Variants in EFNA5 observed in about 807,000 individuals in gnomAD.
EFNA5 encodes the protein ephrin A5.
A neutral mutation model predicts 22.9 loss-of-function variants in EFNA5; 5 were observed. That is an observed-to-expected ratio of 0.22 (90% CI 0.11 to 0.46). EFNA5 has a LOEUF of 0.46. Among genes scored for constraint, EFNA5 ranks in the 20% least tolerant of loss-of-function variants. The probability of loss-of-function intolerance (pLI) is 0.99; values close to 1 mark genes in which losing one functional copy is unlikely to be tolerated. For synonymous variants in EFNA5, 113 were observed against 112.2 expected (o/e 1.01, Z -0.04); for missense variants, 237 against 293.3 (o/e 0.81, Z 1.40).
chr5:107,452,054 A>G (rs1447285209), intron 1 of EFNA5, among the ~76,000 whole-genome samples: 1 of 152,208 alleles, frequency 6.6e-6, no homozygotes, highest in Non-Finnish European at 1.5e-5. Context: ...ATAAAAAGGA[A>G]TGAGATCGTG....
intron 2 of EFNA5, among the ~76,000 whole-genome samples, chr5:107,414,231 G>A (rs140068528): frequency 8.4e-4 from 128 of 152,240 alleles, no homozygotes; most frequent in African/African-American, 2.6e-3. Flanking sequence ...GACAGATCAC[G>A]AAATTTGGGA....
intron 1 of EFNA5, among the ~76,000 whole-genome samples, chr5:107,480,616 G>C (rs1187882074): frequency 2.6e-5 from 4 of 152,170 alleles, no homozygotes; most frequent in African/African-American, 9.7e-5. Context: ...CACCAATTAC[G>C]TGAATACCTG....
At chr5:107,403,195 C>G (rs905426520) in intron 2 of EFNA5, among the ~76,000 whole-genome samples, 1 of 152,168 alleles carries the variant, frequency 6.6e-6, no homozygotes, top group East Asian at 1.9e-4. Context: ...TTACTATACC[C>G]AAAAGAGTTA....
chr5:107,664,352 T>C (rs778400409), intron 1 of EFNA5, among the ~76,000 whole-genome samples: 5 of 152,116 alleles, frequency 3.3e-5, no homozygotes, highest in Non-Finnish European at 7.4e-5. Flanking sequence ...TGACTAAATT[T>C]TGAAAACATA....
At chr5:107,416,382 G>A (rs1748504675) in intron 2 of EFNA5, among the ~76,000 whole-genome samples, 1 of 152,002 alleles carries the variant, frequency 6.6e-6, no homozygotes, top group South Asian at 2.1e-4. Context: ...CTAGGCTTGG[G>A]GTCAAACTAC....
At chr5:107,508,111 G>T (rs1022496561) in intron 1 of EFNA5, among the ~76,000 whole-genome samples, 20 of 152,078 alleles carry the variant, frequency 1.3e-4, no homozygotes, top group African/African-American at 4.8e-4. Flanking sequence ...TTGGAACTTT[G>T]GCCAAATCAG....
Position 107,661,776 on chromosome 5 carries a change from T to C in EFNA5, c.125+8713A>G, listed in dbSNP as rs191648927. Among the ~76,000 whole-genome samples the C allele has an allele frequency of 1.4e-3, 212 of 152,314 alleles. 1 individual carries two copies. The highest frequency in any genetic ancestry group is 4.9e-3 in the African/African-American group (202 of 41,556). Reference sequence around the variant, plus strand: ...ATTGAGTTCAGTAAATGTAACAAAGTTGTATATCCCACTGACATCTACAAA... The same window carrying C: ...ATTGAGTTCAGTAAATGTAACAAAGCTGTATATCCCACTGACATCTACAAA... On this transcript the variant is annotated intron_variant, in intron 1 of 4. Coordinates refer to ENST00000333274, the MANE Select transcript of EFNA5 (RefSeq NM_001962.3).
intron 1 of EFNA5, among the ~76,000 whole-genome samples, chr5:107,657,073 G>A (rs929144312): frequency 6.6e-6 from 1 of 152,058 alleles, no homozygotes; most frequent in Admixed American, 6.6e-5. Flanking sequence ...ATTAGTATAT[G>A]GAAGAACTTG....
At chr5:107,527,848 C>T (rs1266429044) in intron 1 of EFNA5, among the ~76,000 whole-genome samples, 1 of 152,102 alleles carries the variant, frequency 6.6e-6, no homozygotes, top group Admixed American at 6.6e-5. Flanking sequence ...GAATGACTGA[C>T]AACAACCACG....
chr5:107,499,744 C>T (rs920190057), intron 1 of EFNA5, among the ~76,000 whole-genome samples: 3 of 152,156 alleles, frequency 2.0e-5, no homozygotes, highest in African/African-American at 7.2e-5. Context: ...AATTCTTCCC[C>T]TCCTTGAGTT....
At chr5:107,469,915 A>G (rs1750092499) in intron 1 of EFNA5, among the ~76,000 whole-genome samples, 1 of 152,194 alleles carries the variant, frequency 6.6e-6, no homozygotes, top group Non-Finnish European at 1.5e-5. Context: ...TCTTTCTAGC[A>G]ATGAAATATG....
chr5:107,526,677 T>C (rs186251874), intron 1 of EFNA5, among the ~76,000 whole-genome samples: 2,057 of 152,358 alleles, frequency 0.014, 29 homozygotes, highest in Non-Finnish European at 0.022. Context: ...GAAAGTACAT[T>C]ATTTTATTCT....
At chr5:107,661,299 G>A (rs1042619064) in intron 1 of EFNA5, among the ~76,000 whole-genome samples, 11 of 152,114 alleles carry the variant, frequency 7.2e-5, no homozygotes, top group Non-Finnish European at 1.5e-4. Flanking sequence ...GAAGCCATCC[G>A]GAAGCCACAA....
intron 1 of EFNA5, among the ~76,000 whole-genome samples, chr5:107,613,285 G>C (rs1749857823): frequency 6.6e-6 from 1 of 152,026 alleles, no homozygotes; most frequent in Non-Finnish European, 1.5e-5. Flanking sequence ...AAATTGCTGA[G>C]GGTATTTTTT....
At chr5:107,486,376 G>T (rs1746620604) in intron 1 of EFNA5, among the ~76,000 whole-genome samples, 2 of 152,108 alleles carry the variant, frequency 1.3e-5, no homozygotes, top group Non-Finnish European at 1.5e-5. Context: ...ACCTAATCAG[G>T]TTCAGGTAGC....
chr5:107,400,882 C>T lies in EFNA5; in HGVS notation c.419-13111G>A, dbSNP rs879276670. ...GCTAGCTAGATGAAAACTTTGCCTA[C>T]TTTATTACTGCTGCAAGCTTATTGA... On this transcript the variant is annotated intron_variant, in intron 2 of 4. Transcript: ENST00000333274. 3.4e-4 allele frequency among the ~76,000 whole-genome samples: 52 copies of T among 152,304 alleles called. 1 individual carries two copies. The highest frequency in any genetic ancestry group is 2.9e-4 in the Non-Finnish European group (20 of 68,030).
chr5:107,438,124 C>T (rs952823145), intron 1 of EFNA5, among the ~76,000 whole-genome samples: 3 of 152,188 alleles, frequency 2.0e-5, no homozygotes, highest in African/African-American at 7.2e-5. Context: ...GCCAAAGCTG[C>T]TCTGTAATCG....
intron 1 of EFNA5, among the ~76,000 whole-genome samples, chr5:107,582,077 C>T (rs1287712541): frequency 1.3e-5 from 2 of 151,928 alleles, no homozygotes; most frequent in South Asian, 2.1e-4. Flanking sequence ...ATCAATCAGT[C>T]GTATATAAGT....
chr5:107,566,534 C>A (rs979416914), intron 1 of EFNA5, among the ~76,000 whole-genome samples: 1 of 152,208 alleles, frequency 6.6e-6, no homozygotes, highest in Non-Finnish European at 1.5e-5. Context: ...ATTTCCAATG[C>A]TTTTCTTAAT....
Sources: allele counts gnomAD v4.1 joint callset (sites outside exome capture counted in the v4.1 genomes callset), GRCh38; gene constraint gnomAD v4.1.1; transcripts MANE v1.5; gene names NCBI Gene and HGNC (gene_info 2026-07-23, HGNC 2026-07-21).